The following GALNT13 variants were observed in gnomAD, a reference collection of about 807,000 sequenced individuals.
GALNT13 encodes the protein polypeptide N-acetylgalactosaminyltransferase 13.
In GALNT13, 28 loss-of-function variants were observed where a neutral mutation model predicts 64.2. The ratio of observed to expected loss-of-function variants is 0.44; its 90% CI spans 0.32 to 0.60. The LOEUF is 0.60. Ranked by LOEUF, GALNT13 falls within the 20% of genes least tolerant of loss-of-function variation. The pLI is 0.05. For synonymous variants in GALNT13, 214 were observed against 224.6 expected (o/e 0.95, Z 0.42); for missense variants, 577 against 669.8 (o/e 0.86, Z 1.53).
intron 9 of GALNT13, among the ~76,000 whole-genome samples, chr2:154,368,559 G>A (rs1697501937): frequency 6.6e-6 from 1 of 152,164 alleles, no homozygotes; most frequent in South Asian, 2.1e-4. Context: ...CAGGGAGGTG[G>A]GTGAAGTTGA....
chr2:154,086,770 G>GCACA (rs111864421), intron 3 of GALNT13, among the ~76,000 whole-genome samples: 22 of 151,358 alleles, frequency 1.5e-4, no homozygotes, highest in Non-Finnish European at 2.7e-4. Flanking sequence ...TAGCATACGC[G>GCACA]CACACACACA....
intron 2 of GALNT13, among the ~76,000 whole-genome samples, chr2:153,941,814 T>C (rs1226514734): frequency 1.2e-4 from 19 of 152,108 alleles, no homozygotes; most frequent in Admixed American, 1.2e-3. Flanking sequence ...AATTAAAAAA[T>C]ACAAGCAGAG....
chr2:153,384,978 G>T, the GALNT13 span, among the ~76,000 whole-genome samples: 1 of 151,976 alleles, frequency 6.6e-6, no homozygotes, highest in East Asian at 1.9e-4. Flanking sequence ...TGTTCATATT[G>T]CCCATTTCAC....
chr2:153,789,713 G>A, the GALNT13 span, among the ~76,000 whole-genome samples: 1 of 152,026 alleles, frequency 6.6e-6, no homozygotes, highest in African/African-American at 2.4e-5. Context: ...AAAGAGAGAA[G>A]ATCCAAATAA....
chr2:154,221,653 G>T (rs1413280958), intron 4 of GALNT13, among the ~76,000 whole-genome samples: 6 of 152,016 alleles, frequency 3.9e-5, no homozygotes, highest in African/African-American at 9.7e-5. Context: ...AAGACAACTT[G>T]TTCCTTTCTG....
chr2:154,249,640 T>G (rs1378259141), intron 7 of GALNT13, among the ~76,000 whole-genome samples: 1 of 152,148 alleles, frequency 6.6e-6, no homozygotes, highest in Non-Finnish European at 1.5e-5. Context: ...TATGGACTCT[T>G]TTACCTTTAA....
intron 12 of GALNT13, among the ~76,000 whole-genome samples, chr2:154,444,795 A>T (rs1160358100): frequency 1.3e-5 from 2 of 152,060 alleles, no homozygotes; most frequent in Non-Finnish European, 2.9e-5. Context: ...TGTTATTTGC[A>T]ATAGCTCCAA....
At chr2:153,623,299 TAAG>T in the GALNT13 span, among the ~76,000 whole-genome samples, 1 of 152,162 alleles carries the variant, frequency 6.6e-6, no homozygotes, top group African/African-American at 2.4e-5. Flanking sequence ...ATCTGTAGAA[TAAG>T]AAGACTTAGC....
intron 2 of GALNT13, among the ~76,000 whole-genome samples, chr2:153,920,861 A>G (rs1418170376): frequency 1.3e-5 from 2 of 152,204 alleles, no homozygotes; most frequent in Non-Finnish European, 2.9e-5. Flanking sequence ...GTGACCAACA[A>G]GCATGTGAAA....
At chr2:153,968,347 A>ACTG (rs1369161362) in intron 3 of GALNT13, among the ~76,000 whole-genome samples, 1 of 152,286 alleles carries the variant, frequency 6.6e-6, no homozygotes, top group East Asian at 1.9e-4. Flanking sequence ...GTTGTGCTTT[A>ACTG]CTGTGACAGA....
the GALNT13 span, among the ~76,000 whole-genome samples, chr2:153,637,421 T>G: frequency 6.6e-6 from 1 of 152,116 alleles, no homozygotes; most frequent in Non-Finnish European, 1.5e-5. Context: ...CCTTTTTTTG[T>G]TTTTTCTTCA....
chr2:153,988,274 C>G (rs1031421073), intron 3 of GALNT13, among the ~76,000 whole-genome samples: 8 of 151,836 alleles, frequency 5.3e-5, no homozygotes, highest in African/African-American at 1.7e-4. Flanking sequence ...ACTTATTCTT[C>G]TTGTCAGAAA....
At chr2:153,552,235 G>C in the GALNT13 span, among the ~76,000 whole-genome samples, 3 of 152,180 alleles carry the variant, frequency 2.0e-5, no homozygotes, top group Admixed American at 6.5e-5. Flanking sequence ...AAAGGCTTTA[G>C]AATAGTGAAT....
the GALNT13 span, among the ~76,000 whole-genome samples, chr2:153,836,502 TC>T: frequency 6.6e-6 from 1 of 151,500 alleles, no homozygotes; most frequent in Non-Finnish European, 1.5e-5. Flanking sequence ...CAACCATTGT[TC>T]TTTTTTTTTT....
At chr2:154,386,553 C>T (rs1698522861) in intron 9 of GALNT13, among the ~76,000 whole-genome samples, 1 of 152,008 alleles carries the variant, frequency 6.6e-6, no homozygotes, top group South Asian at 2.1e-4. Context: ...TGATAAGCAT[C>T]AGTTCTGTGG....
chr2:154,338,706 A>G (rs1695591505), intron 9 of GALNT13, among the ~76,000 whole-genome samples: 1 of 152,106 alleles, frequency 6.6e-6, no homozygotes, highest in Non-Finnish European at 1.5e-5. Context: ...CGTAGGCATA[A>G]GGATAGTTCC....
the GALNT13 span, among the ~76,000 whole-genome samples, chr2:153,862,806 G>A: frequency 6.6e-6 from 1 of 151,786 alleles, no homozygotes; most frequent in Non-Finnish European, 1.5e-5. Context: ...CGCATTCTAG[G>A]CTAATGAAAA....
At chr2:154,009,166 C>CTT (rs1406098686) in intron 3 of GALNT13, among the ~76,000 whole-genome samples, 2 of 65,642 alleles carry the variant, frequency 3.0e-5, no homozygotes, top group African/African-American at 1.2e-4. Flanking sequence ...TTCTCCATTG[C>CTT]TTCTTTTTTT....
chr2:153,425,705 T>C, the GALNT13 span, among the ~76,000 whole-genome samples: 1 of 151,778 alleles, frequency 6.6e-6, no homozygotes, highest in African/African-American at 2.4e-5. Context: ...AAAAAGTAAA[T>C]AGTTATTCTT....
Sources: gnomAD v4.1 joint callset for allele counts (sites outside exome capture counted in the v4.1 genomes callset) on GRCh38, gnomAD v4.1.1 for gene constraint, MANE v1.5 for transcripts, NCBI Gene and HGNC (gene_info 2026-07-23, HGNC 2026-07-21) for gene names.